GABBR2: variants seen among roughly 807,000 people sequenced by gnomAD.
The protein encoded by GABBR2 is gamma-aminobutyric acid type B receptor subunit 2.
In GABBR2, 23 loss-of-function variants were observed where a neutral mutation model predicts 105.6. The observed-to-expected ratio is 0.22, with a 90% confidence interval of 0.16 to 0.31. The LOEUF is 0.31. GABBR2 is among the 10% of genes least tolerant of loss of function. The probability of loss-of-function intolerance (pLI) is 1.00; values close to 1 mark genes in which losing one functional copy is unlikely to be tolerated. For synonymous variants in GABBR2, 478 were observed against 499.7 expected (o/e 0.96, Z 0.58); for missense variants, 734 against 1,245.5 (o/e 0.59, Z 6.18).
At chr9:98,405,352 C>T (rs1013644717) in intron 8 of GABBR2, among the ~76,000 whole-genome samples, 1 of 152,016 alleles carries the variant, frequency 6.6e-6, no homozygotes. Context: ...CCCAGGAGTT[C>T]GAGGCTGCAG....
chr9:98,386,637 G>A (rs529783920), intron 10 of GABBR2, among the ~76,000 whole-genome samples: 2 of 152,286 alleles, frequency 1.3e-5, no homozygotes, highest in East Asian at 3.9e-4. Flanking sequence ...GCTTGTAGGT[G>A]CCTGGCCCCC....
intron 1 of GABBR2, among the ~76,000 whole-genome samples, chr9:98,688,411 A>ATATATATATATATATATATATATATATAT (rs397737112): frequency 1.6e-4 from 24 of 148,252 alleles, no homozygotes; most frequent in African/African-American, 2.5e-4. Flanking sequence ...ATATATATAT[A>ATATATATATATATATATATATATATATAT]AAATCTCCAG....
intron 1 of GABBR2, among the ~76,000 whole-genome samples, chr9:98,601,296 C>A (rs1829327699): frequency 6.6e-6 from 1 of 152,182 alleles, no homozygotes; most frequent in African/African-American, 2.4e-5. Context: ...AAGGGAAGAT[C>A]ATTTGAGGCC....
chr9:98,584,227 T>C (rs1337258275), intron 1 of GABBR2, among the ~76,000 whole-genome samples: 1 of 152,038 alleles, frequency 6.6e-6, no homozygotes, highest in Non-Finnish European at 1.5e-5. Flanking sequence ...AGGAAGTAAT[T>C]AATCACAGTT....
chr9:98,613,699 G>A (rs1360374687), intron 1 of GABBR2, among the ~76,000 whole-genome samples: 1 of 152,212 alleles, frequency 6.6e-6, no homozygotes, highest in African/African-American at 2.4e-5. Context: ...TCTGAACTCT[G>A]CTAAAGCAGT....
intron 2 of GABBR2, among the ~76,000 whole-genome samples, chr9:98,566,624 G>A (rs548993801): frequency 2.6e-5 from 4 of 152,038 alleles, no homozygotes; most frequent in South Asian, 4.2e-4. Context: ...GTAGTGAGCC[G>A]AGATTGTGCC....
chr9:98,292,155 G>C (rs1328281892), intron 18 of GABBR2, among the ~76,000 whole-genome samples: 1 of 152,242 alleles, frequency 6.6e-6, no homozygotes, highest in South Asian at 2.1e-4. Flanking sequence ...CATTCCTTGA[G>C]AGAAGGGACT....
chr9:98,491,521 T>C (rs1827175774), intron 4 of GABBR2, among the ~76,000 whole-genome samples: 1 of 152,232 alleles, frequency 6.6e-6, no homozygotes, highest in African/African-American at 2.4e-5. Context: ...GAGATTTCCT[T>C]TGTTTTATTT....
At chr9:98,699,201 TA>T (rs1230274783) in intron 1 of GABBR2, among the ~76,000 whole-genome samples, 1 of 152,166 alleles carries the variant, frequency 6.6e-6, no homozygotes, top group Non-Finnish European at 1.5e-5. Context: ...ACTGACCTCC[TA>T]AAACCATAAT....
intron 1 of GABBR2, among the ~76,000 whole-genome samples, chr9:98,642,161 C>G (rs1829972936): frequency 6.6e-6 from 1 of 152,194 alleles, no homozygotes; most frequent in African/African-American, 2.4e-5. Flanking sequence ...AGTTTCATGC[C>G]CTGATAAATA....
chr9:98,449,167 G>T (rs1826189158), intron 7 of GABBR2, among the ~76,000 whole-genome samples: 1 of 152,154 alleles, frequency 6.6e-6, no homozygotes, highest in Non-Finnish European at 1.5e-5. Flanking sequence ...TTCCCCACAG[G>T]GTGGCTACCT....
rs55873825 is a variant in GABBR2, at chr9:98,665,276, A to ATC, written c.321+43139_321+43140dup. 1.9e-3 allele frequency among the ~76,000 whole-genome samples: 284 copies of ATC among 149,432 alleles called. 3 individuals are homozygous for ATC. Among genetic ancestry groups the ATC allele is most frequent in the African/African-American group, 3.8e-3 (153 of 40,632 alleles). ...AGGGTGAGTCAGTCTCTCTCTCTCAATCTCTCTCTCTCTCTCTCTCTCTCT... is the reference window on the plus strand; with the variant it reads ...AGGGTGAGTCAGTCTCTCTCTCTCAATCTCTCTCTCTCTCTCTCTCTCTCTCT... On this transcript the variant is annotated intron_variant, in intron 1 of 18. Transcript: ENST00000259455.
chr9:98,673,954 C>A (rs191647367), intron 1 of GABBR2, among the ~76,000 whole-genome samples: 3 of 152,286 alleles, frequency 2.0e-5, no homozygotes, highest in Admixed American at 1.3e-4. Context: ...CCATCAGTCA[C>A]TGCAAATCCT....
intron 3 of GABBR2, among the ~76,000 whole-genome samples, chr9:98,521,346 C>G (rs1827861889): frequency 6.6e-6 from 1 of 152,154 alleles, no homozygotes; most frequent in African/African-American, 2.4e-5. Flanking sequence ...GCTGACGAGA[C>G]TGACCTCACA....
intron 1 of GABBR2, among the ~76,000 whole-genome samples, chr9:98,639,640 G>T (rs1422546952): frequency 6.6e-6 from 1 of 151,890 alleles, no homozygotes; most frequent in Non-Finnish European, 1.5e-5. Context: ...ACTTACAATG[G>T]TTCAAGAAAA....
chr9:98,388,210 T>C lies in GABBR2; in HGVS notation c.1529+644A>G, dbSNP rs989888462. ...TCTCCTCTGGAGAATTAAGGGCACG[T>C]GGTGGGGAAAAGAAATTAAGACAAG... On this transcript the variant is annotated intron_variant, in intron 10 of 18. Transcript: ENST00000259455. The surrounding 1 kb of genome is among the most constrained non-coding windows in gnomAD (Gnocchi z 4.4). Among the ~76,000 whole-genome samples, 5 of 152,118 alleles carry C rather than the reference T, an allele frequency of 3.3e-5. No individual in the cohort carries two copies. The highest frequency in any genetic ancestry group is 5.9e-5 in the Non-Finnish European group (4 of 68,026).
chr9:98,519,710 CTTTTT>C (rs11386577), intron 3 of GABBR2, among the ~76,000 whole-genome samples: 1 of 142,546 alleles, frequency 7.0e-6, no homozygotes. Flanking sequence ...GAGCCGGCAA[CTTTTT>C]TTTTTTTTTT....
chr9:98,472,912 C>G (rs1020910757), intron 6 of GABBR2, among the ~76,000 whole-genome samples: 1 of 152,118 alleles, frequency 6.6e-6, no homozygotes, highest in African/African-American at 2.4e-5. Flanking sequence ...AACATGTGTA[C>G]TGTGTTATGT....
Position 98,311,257 on chromosome 9 carries a change from C to A in GABBR2, c.1894-52G>T, listed in dbSNP as rs372067693. 83 of 1,116,770 alleles carry A rather than the reference C, an allele frequency of 7.4e-5. No individual in the cohort carries two copies. In the African/African-American group the frequency reaches 1.3e-3, roughly 17 times the overall value. The allele number at this position is 1,116,770 out of a possible 1,614,324, so 69.2% of individuals were successfully genotyped here. ...GGGATGGCACAGGACACTCTTCCAG[C>A]AACTGGGTCCTTATCTGAGAGCCCT... is the stretch of plus-strand genomic sequence containing the variant. On this transcript the variant is annotated intron_variant, in intron 13 of 18. Coordinates refer to ENST00000259455, the MANE Select transcript of GABBR2 (RefSeq NM_005458.8).
Sources: allele counts gnomAD v4.1 joint callset (sites outside exome capture counted in the v4.1 genomes callset), GRCh38; gene constraint gnomAD v4.1.1; non-coding constraint Gnocchi (gnomAD v3.1); transcripts MANE v1.5; gene names NCBI Gene and HGNC (gene_info 2026-07-23, HGNC 2026-07-21).